The following RFTN2 variants were observed in gnomAD, a reference collection of about 807,000 sequenced individuals.
RFTN2 encodes the protein raftlin-2.
In RFTN2, 34 loss-of-function variants were observed where a neutral mutation model predicts 52.7. That is an observed-to-expected ratio of 0.64 (90% confidence interval 0.49 to 0.86). The LOEUF (loss-of-function observed/expected upper bound fraction) is 0.86. Ranked by LOEUF, RFTN2 falls within the 40% of genes least tolerant of loss-of-function variation. The pLI, the probability that RFTN2 is intolerant of heterozygous loss-of-function variation, is 0.00. For synonymous variants in RFTN2, 203 were observed against 217.7 expected (o/e 0.93, Z 0.59); for missense variants, 536 against 600.1 (o/e 0.89, Z 1.12).
At chr2:197,672,791 A>C (rs2089164772) in intron 1 of RFTN2, among the ~76,000 whole-genome samples, 1 of 152,300 alleles carries the variant, frequency 6.6e-6, no homozygotes, top group South Asian at 2.1e-4. Flanking sequence ...AGTCTATGCT[A>C]TGATTTCTCC....
intron 7 of RFTN2, among the ~76,000 whole-genome samples, chr2:197,612,159 A>G (rs1379933177): frequency 2.6e-5 from 4 of 152,140 alleles, no homozygotes; most frequent in African/African-American, 9.7e-5. Context: ...TGTTCTTGGT[A>G]TAGTACAACT....
chr2:197,642,374 T>G (rs868372722), intron 3 of RFTN2, among the ~76,000 whole-genome samples: 1 of 152,196 alleles, frequency 6.6e-6, no homozygotes. Flanking sequence ...TAAAATCCCA[T>G]CAATTTAGAA....
At chr2:197,619,506 G>GTT (rs1349180323) in intron 5 of RFTN2, among the ~76,000 whole-genome samples, 1 of 150,556 alleles carries the variant, frequency 6.6e-6, no homozygotes, top group Non-Finnish European at 1.5e-5. Context: ...ATTAAGGGCG[G>GTT]TGCAAGATGT....
intron 8 of RFTN2, among the ~76,000 whole-genome samples, chr2:197,591,410 C>T (rs13391424): frequency 0.011 from 1,726 of 152,306 alleles, 29 homozygotes; most frequent in African/African-American, 0.039. Context: ...ATACAGAGTG[C>T]GGATTGGTGT....
intron 1 of RFTN2, among the ~76,000 whole-genome samples, chr2:197,670,721 C>T (rs184344919): frequency 1.4e-5 from 2 of 145,302 alleles, no homozygotes; most frequent in East Asian, 4.2e-4. Context: ...TCACAGTCAG[C>T]TGTGCATCTA....
intron 5 of RFTN2, among the ~76,000 whole-genome samples, chr2:197,623,069 A>G (rs2088294671): frequency 6.6e-6 from 1 of 152,242 alleles, no homozygotes; most frequent in Non-Finnish European, 1.5e-5. Context: ...CCCATGGATC[A>G]AGGAGCCATT....
rs748041174 is a variant in RFTN2, at chr2:197,572,111, T to A, written c.1403A>T (p.His468Leu). ...CWTKEGRLAQ[H>L]NSFSGFSSSD... ...GCTGCTGAACCCAGAGAAGCTGTTGTGCTGTGCCAGCCTTCCCTCCTTTGT... is the reference window on the plus strand; with the variant it reads ...GCTGCTGAACCCAGAGAAGCTGTTGAGCTGTGCCAGCCTTCCCTCCTTTGT... The change falls in exon 9 of 9, where the codon CAC (histidine) becomes CTC (leucine). Residue 468 changes from histidine (H) to leucine (L), a missense_variant. Coordinates refer to ENST00000295049, the MANE Select transcript of RFTN2 (RefSeq NM_144629.3). 25 of 1,614,274 alleles carry A rather than the reference T, an allele frequency of 1.5e-5. No homozygotes were observed. The South Asian group carries it at 2.2e-4, about 14-fold the overall frequency.
intron 7 of RFTN2, among the ~76,000 whole-genome samples, chr2:197,607,280 C>G (rs572428960): frequency 6.6e-6 from 1 of 151,746 alleles, no homozygotes; most frequent in African/African-American, 2.4e-5. Context: ...AATTGAACAA[C>G]GAGAACACAT....
chr2:197,601,297 A>C (rs1472233896), intron 7 of RFTN2, among the ~76,000 whole-genome samples: 3 of 152,242 alleles, frequency 2.0e-5, no homozygotes, highest in African/African-American at 4.8e-5. Context: ...TGACAACAGC[A>C]TGACTATCAA....
chr2:197,603,689 C>T (rs940880084), intron 7 of RFTN2, among the ~76,000 whole-genome samples: 49 of 152,126 alleles, frequency 3.2e-4, no homozygotes, highest in South Asian at 6.2e-4. Flanking sequence ...GTGAGGCAGG[C>T]GGATCTCTGG....
intron 1 of RFTN2, among the ~76,000 whole-genome samples, chr2:197,671,986 T>C (rs907116533): frequency 1.3e-5 from 2 of 152,244 alleles, no homozygotes; most frequent in Non-Finnish European, 1.5e-5. Flanking sequence ...CATACTCATA[T>C]ACATACATCA....
Position 197,669,402 on chromosome 2 carries a change from G to A in RFTN2, c.139+5918C>T, listed in dbSNP as rs147919156. Among the ~76,000 whole-genome samples the A allele has an allele frequency of 1.4e-4, 21 of 150,956 alleles. No homozygotes were observed. In the South Asian group the frequency reaches 4.2e-3, roughly 30 times the overall value. On this transcript the variant is annotated intron_variant, in intron 1 of 8. Transcript: ENST00000295049. ...TTTTTTTTTTTCAAATTTTTTTGGG[G>A]TTGGGGTGAGTGGAAATGTAACATA...
At chr2:197,583,755 T>C (rs1056347653) in intron 8 of RFTN2, among the ~76,000 whole-genome samples, 1 of 152,032 alleles carries the variant, frequency 6.6e-6, no homozygotes, top group Admixed American at 6.6e-5. Flanking sequence ...ATTAGGTATA[T>C]CTCCTAATGC....
chr2:197,580,100 A>C (rs1484713160), intron 8 of RFTN2, among the ~76,000 whole-genome samples: 1 of 152,176 alleles, frequency 6.6e-6, no homozygotes, highest in Non-Finnish European at 1.5e-5. Context: ...TTACCGCCCT[A>C]GACCCAGAGG....
intron 8 of RFTN2, among the ~76,000 whole-genome samples, chr2:197,572,853 C>A (rs1302608923): frequency 1.3e-5 from 2 of 152,044 alleles, no homozygotes; most frequent in Non-Finnish European, 2.9e-5. Flanking sequence ...TGGGTCTTAT[C>A]CCATGAATAA....
At chr2:197,625,599 C>A (rs1388366153) in intron 5 of RFTN2, among the ~76,000 whole-genome samples, 1 of 151,802 alleles carries the variant, frequency 6.6e-6, no homozygotes, top group Non-Finnish European at 1.5e-5. Flanking sequence ...TTAACAGCCT[C>A]CCCACCACAC....
chr2:197,643,250 AT>A (rs561964140), intron 3 of RFTN2, among the ~76,000 whole-genome samples: 12 of 150,538 alleles, frequency 8.0e-5, no homozygotes, highest in East Asian at 3.9e-4. Context: ...CGTCCTGCTG[AT>A]TTTTTTTTCT....
In RFTN2 at chr2:197,580,135, A is replaced by G. The variant is rs1309154094; in HGVS notation, c.1234-7855T>C. 2.6e-5 allele frequency among the ~76,000 whole-genome samples: 4 copies of G among 152,000 alleles called. No individual in the cohort carries two copies. The East Asian group carries it at 7.7e-4, about 29-fold the overall frequency. On this transcript the variant is annotated intron_variant, in intron 8 of 8. Coordinates refer to ENST00000295049, the MANE Select transcript of RFTN2 (RefSeq NM_144629.3). ...GGGGCAAAAAGCCATATTATTCTCA[A>G]TATGCATTTTATTACCCGATCCGCT...
chr2:197,570,223 A>T lies in RFTN2; in HGVS notation c.*1785T>A, dbSNP rs1292519840. 6.6e-6 allele frequency: 1 copy of T among 152,222 alleles called. No homozygotes were observed. The highest frequency in any genetic ancestry group is 1.9e-4 in the East Asian group (1 of 5,202). 9.4% of individuals were successfully genotyped at this position (152,222 alleles called of 1,614,324 possible). On this transcript the variant is annotated 3_prime_UTR_variant, in exon 9 of 9. Transcript: ENST00000295049. Reference sequence around the variant, plus strand: ...TGGAACTCAAGTCCATCTAAAAGTCAAAACAAAAACCATTTCTGCAAATAT... The same window carrying T: ...TGGAACTCAAGTCCATCTAAAAGTCTAAACAAAAACCATTTCTGCAAATAT...
Sources: gnomAD v4.1 joint callset for allele counts (sites outside exome capture counted in the v4.1 genomes callset) on GRCh38, gnomAD v4.1.1 for gene constraint, MANE v1.5 for transcripts, NCBI Gene and HGNC (gene_info 2026-07-23, HGNC 2026-07-21) for gene names.